Variants in TMEM208 observed in about 807,000 individuals in gnomAD.
The protein encoded by TMEM208 is transmembrane protein 208.
Under a neutral mutation model 26.4 loss-of-function variants are expected in TMEM208, and 19 were observed. That is an observed-to-expected ratio of 0.72 (90% CI 0.50 to 1.06). TMEM208 has a LOEUF of 1.06. TMEM208 is among the 50% of genes least tolerant of loss of function. TMEM208 has a pLI of 0.00. For missense variants in TMEM208, 183 were observed against 219.8 expected, an observed-to-expected ratio of 0.83 and a Z score of 1.06; for synonymous variants, 93 against 83.1, an observed-to-expected ratio of 1.12 and a Z score of -0.65.
Position 67,227,938 on chromosome 16 carries a change from G to A in TMEM208, c.102+7G>A, listed in dbSNP as rs1307309692. ...GATCATACTGGGGGCCAATGTAAGTGCCTACCTCCTTGCTTCTATGCCCAC... is the reference window on the plus strand; with the variant it reads ...GATCATACTGGGGGCCAATGTAAGTACCTACCTCCTTGCTTCTATGCCCAC... On this transcript the variant is annotated splice_region_variant and intron_variant, in intron 2 of 5. Transcript: ENST00000304800. 8 of 1,601,402 alleles carry A rather than the reference G, an allele frequency of 5.0e-6. No homozygotes were observed. The highest frequency in any genetic ancestry group is 2.7e-5 in the African/African-American group (2 of 74,694).
In TMEM208 at chr16:67,229,244, T is replaced by C; in HGVS notation, c.*131T>C. 1 of 900,148 alleles carries C rather than the reference T, an allele frequency of 1.1e-6. No individual in the cohort carries two copies. Among genetic ancestry groups the C allele is most frequent in the South Asian group, 1.8e-5 (1 of 54,268 alleles). 55.8% of individuals were successfully genotyped at this position (900,148 alleles called of 1,614,324 possible). ...TCTGAGGTATTGGGTATACTTATAC[T>C]CTATAGGGTCGTTGAATAAATGGCT... On this transcript the variant is annotated 3_prime_UTR_variant, in exon 6 of 6. Transcript: ENST00000304800.
At position 67,229,274 on chromosome 16, in the gene TMEM208, A is replaced by G; in HGVS notation, c.*161A>G. On this transcript the variant is annotated 3_prime_UTR_variant, in exon 6 of 6. Coordinates refer to ENST00000304800, the MANE Select transcript of TMEM208 (RefSeq NM_014187.4). ...AGGGTCGTTGAATAAATGGCTTAGA[A>G]TGTGGCTGATGGCTGTGTGGGTGAT... 1.4e-6 allele frequency: 1 copy of G among 722,770 alleles called. No homozygotes were observed. Among genetic ancestry groups the G allele is most frequent in the Non-Finnish European group, 2.2e-6 (1 of 450,226 alleles). The allele number at this position is 722,770 out of a possible 1,614,324, so 44.8% of individuals were successfully genotyped here. A position where few individuals can be genotyped will look rare whatever the true frequency, so the allele number is the denominator to read the frequency against.
At chr16:67,228,449 G>T (rs761285449) in intron 3 of TMEM208, 35 bp downstream of exon 3, 2 of 1,613,986 alleles carry the variant, frequency 1.2e-6, no homozygotes, top group East Asian at 2.2e-5. Context: ...GGATGAGTGC[G>T]TAGGGTCAGT....
chr16:67,227,471 C>T, intron 1 of TMEM208: 4 of 583,330 alleles, frequency 6.9e-6, no homozygotes, highest in South Asian at 4.5e-5. Context: ...TGGGGGTTAA[C>T]CCAGATCGGG....
intron 2 of TMEM208, chr16:67,228,147 C>A: frequency 1.5e-6 from 1 of 663,610 alleles, no homozygotes. Flanking sequence ...CTTCCTACCT[C>A]CAAGTACACA....
intron 4 of TMEM208, 82 bp downstream of exon 4, chr16:67,228,713 C>T: frequency 6.5e-7 from 1 of 1,550,364 alleles, no homozygotes; most frequent in Non-Finnish European, 8.7e-7. Context: ...CTACTTGTAA[C>T]TTGAAAAGGG....
Position 67,227,134 on chromosome 16 carries a change from G to A in TMEM208, c.-85G>A. The A allele has an allele frequency of 1.3e-6, 2 of 1,589,352 alleles. No homozygotes were observed. The highest frequency in any genetic ancestry group is 1.1e-5 in the South Asian group (1 of 89,568). The stretch of plus-strand genomic sequence containing the variant: ...CTGACGACTTCGGTCTGCGCCGGAA[G>A]TGCATGAGCTGCCGATGTGGTGCTT... On this transcript the variant is annotated 5_prime_UTR_variant, in exon 1 of 6. It adds an upstream start codon to the 5' untranslated region. Transcript: ENST00000304800.
chr16:67,228,226 CCTTT>C, intron 2 of TMEM208, 125 bp from the exon 3 acceptor site: 1 of 1,040,204 alleles, frequency 9.6e-7, no homozygotes, highest in South Asian at 1.3e-5. Context: ...GGAGCAGGGC[CCTTT>C]CTTCAACCCT....
rs1167859116 is a variant in TMEM208, at chr16:67,229,075, C to T, written c.484C>T (p.Gln162Ter). The T allele has an allele frequency of 6.2e-7, 1 of 1,612,800 alleles. No homozygotes were observed. Among genetic ancestry groups the T allele is most frequent in the Non-Finnish European group, 8.5e-7 (1 of 1,179,276 alleles). Residue 162 changes from glutamine to a stop codon, truncating the protein, a stop_gained, in exon 6 of 6, where the codon CAG (glutamine) becomes TAG (stop). Coordinates refer to ENST00000304800, the MANE Select transcript of TMEM208 (RefSeq NM_014187.4). LOFTEE classifies it high-confidence loss of function. ...TPAPEHNEKR[Q>*]RRQERRQMKR... ...AGCACCAGAGCACAATGAGAAACGG[C>T]AGCGCCGACAGGAGCGGCGGCAGAT...
In TMEM208 at chr16:67,227,847, A is replaced by C; in HGVS notation, c.18A>C (p.Lys6Asn). The change falls in exon 2 of 6, where the codon AAA (lysine) becomes AAC (asparagine). Residue 6 changes from lysine to asparagine, a missense_variant. Lys to Asn is a moderately conservative substitution (Grantham distance 94). Coordinates refer to ENST00000304800, the MANE Select transcript of TMEM208 (RefSeq NM_014187.4). Reference sequence around the variant, plus strand: ...TCATTCCTCTGCAGCCCAAGGGCAAAGTGGGCACGAGAGGGAAGAAGCAGA... The same window carrying C: ...TCATTCCTCTGCAGCCCAAGGGCAACGTGGGCACGAGAGGGAAGAAGCAGA... Reference protein sequence around the residue: MAPKGKVGTRGKKQIF... With the variant: MAPKGNVGTRGKKQIF... 2 of 1,608,990 alleles carry C rather than the reference A, an allele frequency of 1.2e-6. No homozygotes were observed. Among genetic ancestry groups the C allele is most frequent in the Non-Finnish European group, 1.7e-6 (2 of 1,177,608 alleles).
In TMEM208 at chr16:67,229,038, C is replaced by T; in HGVS notation, c.447C>T (p.Asp149=). Residue 149 remains aspartate, a synonymous_variant, in exon 6 of 6, where the codon GAC becomes GAT. Transcript: ENST00000304800. ...VNVLGPWFTA[D]SGTPAPEHNE... ...TGCTGGGCCCCTGGTTCACTGCAGA[C>T]AGTGGCACCCCAGCACCAGAGCACA... 6.2e-7 allele frequency: 1 copy of T among 1,613,334 alleles called. No individual in the cohort carries two copies. The highest frequency in any genetic ancestry group is 1.7e-4 in the Middle Eastern group (1 of 6,060).
At chr16:67,228,655 C>T (rs776134842) in intron 4 of TMEM208, 24 bp downstream of exon 4, 3 of 1,545,502 alleles carry the variant, frequency 1.9e-6, no homozygotes, top group Non-Finnish European at 2.6e-6. Context: ...ACCGCCAGCC[C>T]AGGTGAGCGG....
At chr16:67,227,479 G>A (rs1015107927) in intron 1 of TMEM208, 17 of 573,048 alleles carry the variant, frequency 3.0e-5, no homozygotes, top group Non-Finnish European at 4.9e-5. Context: ...AACCCAGATC[G>A]GGACTACGCC....
Position 67,227,189 on chromosome 16 carries a change from G to A in TMEM208, c.-30G>A. 1 of 1,611,258 alleles carries A rather than the reference G, an allele frequency of 6.2e-7. No individual in the cohort carries two copies. Among genetic ancestry groups the A allele is most frequent in the African/African-American group, 1.3e-5 (1 of 75,046 alleles). ...ATTGCGGTTTCGGTCGCTCTCCCGTGTTTCCCGGGCTGGGTATTTGCCTCG... is the reference window on the plus strand; with the variant it reads ...ATTGCGGTTTCGGTCGCTCTCCCGTATTTCCCGGGCTGGGTATTTGCCTCG... On this transcript the variant is annotated 5_prime_UTR_variant, in exon 1 of 6. Transcript: ENST00000304800.
rs905460688 is a variant in TMEM208, at chr16:67,227,909, T to C, written c.80T>C (p.Leu27Pro). The C allele has an allele frequency of 1.5e-5, 24 of 1,610,614 alleles. No homozygotes were observed. The highest frequency in any genetic ancestry group is 1.9e-5 in the Non-Finnish European group (22 of 1,178,342). The change falls in exon 2 of 6, where the codon CTG becomes CCG. Residue 27 changes from leucine (L) to proline (P), a missense_variant. Transcript: ENST00000304800. ...AACAGAGAGACTCTGAAGTTCTACC[T>C]GCGGATCATACTGGGGGCCAATGTA... Reference protein sequence around the residue: ...EENRETLKFYLRIILGANAIY... With the variant: ...EENRETLKFYPRIILGANAIY...
chr16:67,228,422 T>C lies in TMEM208; in HGVS notation c.162+8T>C, dbSNP rs1243179288. On this transcript the variant is annotated splice_region_variant and intron_variant, in intron 3 of 5. Transcript: ENST00000304800. ...GCCTCATTTTGGGCCTGGGTAAGTATCTCCATCCTGGGAGGTGGATGAGTG... is the reference window on the plus strand; with the variant it reads ...GCCTCATTTTGGGCCTGGGTAAGTACCTCCATCCTGGGAGGTGGATGAGTG... The C allele has an allele frequency of 1.2e-6, 2 of 1,613,922 alleles. No individual in the cohort carries two copies. The highest frequency in any genetic ancestry group is 1.3e-5 in the African/African-American group (1 of 74,942).
intron 1 of TMEM208, 28 bp downstream of exon 1, chr16:67,227,252 G>A: frequency 6.2e-7 from 1 of 1,608,090 alleles, no homozygotes; most frequent in Non-Finnish European, 8.5e-7. Flanking sequence ...GGCGGGGTCC[G>A]CACCAGCAAA....
Position 67,227,185 on chromosome 16 carries a change from C to T in TMEM208, c.-34C>T, listed in dbSNP as rs753563627. The T allele has an allele frequency of 1.9e-6, 3 of 1,610,910 alleles. No homozygotes were observed. The highest frequency in any genetic ancestry group is 1.7e-5 in the Admixed American group (1 of 59,710). Reference sequence around the variant, plus strand: ...AGTGATTGCGGTTTCGGTCGCTCTCCCGTGTTTCCCGGGCTGGGTATTTGC... The same window carrying T: ...AGTGATTGCGGTTTCGGTCGCTCTCTCGTGTTTCCCGGGCTGGGTATTTGC... On this transcript the variant is annotated 5_prime_UTR_variant, in exon 1 of 6. Transcript: ENST00000304800.
In TMEM208 at chr16:67,229,030, ACTGCAGACAGTGGC is replaced by A. The variant is rs755721183; in HGVS notation, c.440_453del (p.Thr147AsnfsTer8). The A allele has an allele frequency of 2.5e-6, 4 of 1,613,010 alleles. No individual in the cohort carries two copies. Among genetic ancestry groups the A allele is most frequent in the Non-Finnish European group, 3.4e-6 (4 of 1,179,210 alleles). ...GGTGAATGTGCTGGGCCCCTGGTTC[ACTGCAGACAGTGGC>A]ACCCCAGCACCAGAGCACAATGAGA... On this transcript the variant is annotated frameshift_variant, in exon 6 of 6. Transcript: ENST00000304800. LOFTEE classifies it high-confidence loss of function.
Sources: allele counts gnomAD v4.1 joint callset, GRCh38; gene constraint gnomAD v4.1.1; transcripts MANE v1.5; gene names NCBI Gene and HGNC (gene_info 2026-07-23, HGNC 2026-07-21).